CADM2: variants seen among roughly 807,000 people sequenced by gnomAD.
CADM2 encodes cell adhesion molecule 2, also known as immunoglobulin superfamily member 4D.
Under a neutral mutation model 49.8 loss-of-function variants are expected in CADM2, and 12 were observed. The observed-to-expected ratio is 0.24, with a 90% CI of 0.15 to 0.39. The LOEUF (loss-of-function observed/expected upper bound fraction) is 0.39, where lower values mean the gene tolerates loss of function less well. Ranked by LOEUF, CADM2 falls within the 10% of genes least tolerant of loss-of-function variation. The pLI is 1.00. For synonymous variants in CADM2, 214 were observed against 175.4 expected (o/e 1.22, Z -1.74); for missense variants, 378 against 492.3 (o/e 0.77, Z 2.20).
At chr3:85,113,999 T>C (rs2038553718) in intron 1 of CADM2, among the ~76,000 whole-genome samples, 1 of 152,126 alleles carries the variant, frequency 6.6e-6, no homozygotes, top group African/African-American at 2.4e-5. Context: ...AAGCCTAATA[T>C]TGATAGATAA....
chr3:85,988,430 A>G (rs935013677), intron 8 of CADM2, among the ~76,000 whole-genome samples: 36 of 152,206 alleles, frequency 2.4e-4, no homozygotes, highest in African/African-American at 8.7e-4. Flanking sequence ...TAGTATCAGA[A>G]CTGCTTTTAG....
chr3:85,671,676 T>G (rs888923232), intron 1 of CADM2, among the ~76,000 whole-genome samples: 1 of 152,100 alleles, frequency 6.6e-6, no homozygotes, highest in Non-Finnish European at 1.5e-5. Flanking sequence ...GAAGCGACCC[T>G]CTTACACCAG....
At chr3:85,390,276 A>ACGTT (rs2034454782) in intron 1 of CADM2, among the ~76,000 whole-genome samples, 2 of 152,222 alleles carry the variant, frequency 1.3e-5, no homozygotes, top group Admixed American at 6.5e-5. Flanking sequence ...TTTCAAAAAG[A>ACGTT]CATAACCTTT....
intron 1 of CADM2, among the ~76,000 whole-genome samples, chr3:85,180,518 A>G (rs1216927431): frequency 1.4e-5 from 2 of 143,948 alleles, no homozygotes; most frequent in African/African-American, 2.7e-5. Context: ...CAAAAAGAAA[A>G]AAAAAAAAAA....
At chr3:85,302,085 A>G (rs965505561) in intron 1 of CADM2, among the ~76,000 whole-genome samples, 7 of 152,068 alleles carry the variant, frequency 4.6e-5, no homozygotes, top group Non-Finnish European at 7.4e-5. Context: ...TGTTATTCAA[A>G]CAACTGAATT....
intron 1 of CADM2, among the ~76,000 whole-genome samples, chr3:85,145,482 CA>C: frequency 1.3e-5 from 2 of 151,612 alleles, no homozygotes; most frequent in Non-Finnish European, 2.9e-5. Flanking sequence ...ATATTATTTG[CA>C]ATTTTTTTTT....
At chr3:85,230,842 G>T (rs1053262874) in intron 1 of CADM2, among the ~76,000 whole-genome samples, 1 of 151,986 alleles carries the variant, frequency 6.6e-6, no homozygotes, top group African/African-American at 2.4e-5. Context: ...TCTCATTACT[G>T]ACAGGTAGAT....
intron 1 of CADM2, among the ~76,000 whole-genome samples, chr3:85,417,902 C>G (rs571510703): frequency 2.0e-5 from 3 of 152,176 alleles, no homozygotes; most frequent in East Asian, 1.9e-4. Flanking sequence ...TATGATGGAT[C>G]TGAGATGCTG....
At chr3:85,413,164 T>TAAAAAAAAAAAA (rs1164449868) in intron 1 of CADM2, among the ~76,000 whole-genome samples, 1 of 76,828 alleles carries the variant, frequency 1.3e-5, no homozygotes. Flanking sequence ...AAAAAAAAAA[T>TAAAAAAAAAAAA]AATAATAATA....
chr3:85,617,987 A>G (rs987940901), intron 1 of CADM2, among the ~76,000 whole-genome samples: 4 of 152,172 alleles, frequency 2.6e-5, no homozygotes, highest in African/African-American at 9.7e-5. Flanking sequence ...GCTCATCTCC[A>G]TTGTGCAAAG....
At chr3:85,468,065 A>C (rs1465012764) in intron 1 of CADM2, among the ~76,000 whole-genome samples, 1 of 145,630 alleles carries the variant, frequency 6.9e-6, no homozygotes, top group Non-Finnish European at 1.5e-5. Flanking sequence ...GAGGCAGGAG[A>C]ATGGCGTGAA....
chr3:85,910,637 T>C (rs1208064664), intron 5 of CADM2, among the ~76,000 whole-genome samples: 1 of 152,084 alleles, frequency 6.6e-6, no homozygotes, highest in Non-Finnish European at 1.5e-5. Flanking sequence ...TTACTTTCAG[T>C]TAAAAGATGG....
At chr3:85,045,141 C>G (rs1215812815) in intron 1 of CADM2, among the ~76,000 whole-genome samples, 1 of 152,054 alleles carries the variant, frequency 6.6e-6, no homozygotes, top group Non-Finnish European at 1.5e-5. Flanking sequence ...ATTCTGATAC[C>G]TAGGTTTGCT....
chr3:85,206,271 C>G (rs1244595329), intron 1 of CADM2, among the ~76,000 whole-genome samples: 1 of 151,066 alleles, frequency 6.6e-6, no homozygotes, highest in East Asian at 1.9e-4. Context: ...TCAAATCAAG[C>G]ATTCAAAGCA....
intron 8 of CADM2, among the ~76,000 whole-genome samples, chr3:86,063,090 T>A (rs1738884094): frequency 6.6e-6 from 1 of 152,080 alleles, no homozygotes. Context: ...CACCGAATAT[T>A]TTTTCACCTC....
At chr3:85,248,112 G>A (rs2042690535) in intron 1 of CADM2, among the ~76,000 whole-genome samples, 1 of 151,990 alleles carries the variant, frequency 6.6e-6, no homozygotes, top group Non-Finnish European at 1.5e-5. Context: ...AAAAAAACCT[G>A]AAGTATCATT....
At chr3:85,347,437 A>G (rs2030800446) in intron 1 of CADM2, among the ~76,000 whole-genome samples, 1 of 120,388 alleles carries the variant, frequency 8.3e-6, no homozygotes, top group Admixed American at 9.3e-5. Flanking sequence ...AATATAGCCA[A>G]TTTTTGGAAG....
chr3:85,000,047 C>T (rs62250600), intron 1 of CADM2, among the ~76,000 whole-genome samples: 1 of 151,718 alleles, frequency 6.6e-6, no homozygotes, highest in Non-Finnish European at 1.5e-5. Context: ...GTGATTGGGA[C>T]CTTACAAATT....
intron 1 of CADM2, among the ~76,000 whole-genome samples, chr3:85,516,306 T>A (rs1016544372): frequency 6.6e-6 from 1 of 152,192 alleles, no homozygotes; most frequent in Non-Finnish European, 1.5e-5. Flanking sequence ...GATAGATTTA[T>A]TTGTTAGATT....
Sources: gnomAD v4.1 joint callset for allele counts (sites outside exome capture counted in the v4.1 genomes callset) on GRCh38, gnomAD v4.1.1 for gene constraint, MANE v1.5 for transcripts, NCBI Gene and HGNC (gene_info 2026-07-23, HGNC 2026-07-21) for gene names.